FBN2: variants seen among roughly 807,000 people sequenced by gnomAD.
FBN2 encodes fibrillin-2.
A neutral mutation model predicts 355.6 loss-of-function variants in FBN2; 105 were observed. The observed-to-expected ratio is 0.30, with a 90% confidence interval of 0.25 to 0.35. FBN2 has a LOEUF of 0.35. Ranked by LOEUF, FBN2 falls within the 10% of genes least tolerant of loss-of-function variation. FBN2 has a pLI of 1.00. For synonymous variants in FBN2, 1,350 were observed against 1,301.2 expected (o/e 1.04, Z -0.81); for missense variants, 3,280 against 3,758.7 (o/e 0.87, Z 3.33).
At chr5:128,311,823 G>T in intron 38 of FBN2, 62 bp downstream of exon 38, 1 of 1,289,502 alleles carries the variant, frequency 7.8e-7, no homozygotes, top group Non-Finnish European at 1.1e-6. Context: ...TTTTCTGCCA[G>T]CTTTTCTCTA....
intron 48 of FBN2, among the ~76,000 whole-genome samples, chr5:128,294,098 T>C (rs1258357865): frequency 6.6e-6 from 1 of 152,122 alleles, no homozygotes; most frequent in East Asian, 1.9e-4. Context: ...TTTGGTTTTT[T>C]GTTCTTGCGA....
intron 5 of FBN2, among the ~76,000 whole-genome samples, chr5:128,465,850 A>C (rs1397441956): frequency 6.6e-6 from 1 of 152,222 alleles, no homozygotes; most frequent in African/African-American, 2.4e-5. Context: ...CAGCAACAGC[A>C]TCACTTTGGG....
chr5:128,456,000 A>ACAAAAAAAAAAAAAAC lies in FBN2; in HGVS notation c.826+8723_826+8724insGTTTTTTTTTTTTTTG, dbSNP rs1293807502. On this transcript the variant is annotated intron_variant, in intron 6 of 64. Transcript: ENST00000262464. Reference sequence around the variant, plus strand: ...GGGGAGGGTTAGCAACAAAAAAAAAAAAAAAAAAAAAAAAAAAAAAAAAGC... The same window carrying ACAAAAAAAAAAAAAAC: ...GGGGAGGGTTAGCAACAAAAAAAAAACAAAAAAAAAAAAAACAAAAAAAAAAAAAAAAAAAAAAAGC... Among the ~76,000 whole-genome samples the ACAAAAAAAAAAAAAAC allele has an allele frequency of 3.7e-5, 5 of 136,106 alleles. No homozygotes were observed. In the South Asian group the frequency reaches 1.2e-3, roughly 33 times the overall value. 89.3% of individuals were successfully genotyped at this position (136,106 alleles called of 152,430 possible).
intron 5 of FBN2, among the ~76,000 whole-genome samples, chr5:128,489,723 TTA>T (rs1352879134): frequency 6.6e-6 from 1 of 152,220 alleles, no homozygotes; most frequent in Non-Finnish European, 1.5e-5. Flanking sequence ...GGTGTAATTA[TTA>T]TACTCAATTG....
chr5:128,267,543 G>A (rs1332768837), intron 62 of FBN2, among the ~76,000 whole-genome samples: 2 of 151,962 alleles, frequency 1.3e-5, no homozygotes, highest in African/African-American at 2.4e-5. Flanking sequence ...ATCTCATGGT[G>A]GTTTTGATTT....
intron 5 of FBN2, among the ~76,000 whole-genome samples, chr5:128,483,610 G>C (rs1315927411): frequency 6.6e-6 from 1 of 151,516 alleles, no homozygotes; most frequent in African/African-American, 2.4e-5. Context: ...TTCAAGTTCT[G>C]AATTTTCACT....
intron 6 of FBN2, among the ~76,000 whole-genome samples, chr5:128,461,830 AAC>A (rs1561468579): frequency 6.8e-6 from 1 of 146,702 alleles, no homozygotes; most frequent in Non-Finnish European, 1.5e-5. Flanking sequence ...ATAGGGGAAT[AAC>A]ACACACCAGG....
rs568754241 is a variant in FBN2, at chr5:128,395,479, A to G, written c.1079-205T>C. 2.8e-4 allele frequency among the ~76,000 whole-genome samples: 43 copies of G among 152,360 alleles called. 1 individual carries two copies. The South Asian group carries it at 8.9e-3, about 32-fold the overall frequency. ...AGACGTGGAGCAGATAGGAGGACAGACTGCAGTAAGAAGCTAAAGTCAGGC... is the reference window on the plus strand; with the variant it reads ...AGACGTGGAGCAGATAGGAGGACAGGCTGCAGTAAGAAGCTAAAGTCAGGC... On this transcript the variant is annotated intron_variant, in intron 8 of 64. Coordinates refer to ENST00000262464, the MANE Select transcript of FBN2 (RefSeq NM_001999.4).
At chr5:128,378,008 GTTTTTTT>G in intron 12 of FBN2, 131 bp from the exon 13 acceptor site, 8 of 509,524 alleles carry the variant, frequency 1.6e-5, no homozygotes, top group East Asian at 3.7e-5. Flanking sequence ...TCTCTCAGCA[GTTTTTTT>G]TTTTTTTTTT....
At chr5:128,461,853 G>A (rs1217070534) in intron 6 of FBN2, among the ~76,000 whole-genome samples, 2 of 151,378 alleles carry the variant, frequency 1.3e-5, no homozygotes, top group Admixed American at 1.3e-4. Context: ...GCCTGTTGGG[G>A]GGTCGGGGGA....
In FBN2 at chr5:128,395,006, G is replaced by C. The variant is rs1188131993; in HGVS notation, c.1231+116C>G. ...TCGCCATGTTGCCCAGGCTGGTTTT[G>C]AACTTCTGGACTCAAGCAATCCACC... On this transcript the variant is annotated intron_variant, in intron 9 of 64. Transcript: ENST00000262464. The C allele has an allele frequency of 5.8e-6, 7 of 1,197,580 alleles. No individual in the cohort carries two copies. In the African/African-American group the frequency reaches 1.0e-4, roughly 18 times the overall value. 74.2% of individuals were successfully genotyped at this position (1,197,580 alleles called of 1,614,324 possible).
chr5:128,281,530 T>C (rs1765544685), intron 55 of FBN2, among the ~76,000 whole-genome samples: 1 of 152,232 alleles, frequency 6.6e-6, no homozygotes, highest in African/African-American at 2.4e-5. Flanking sequence ...GTTGATGTTA[T>C]CTAGAAGTTT....
intron 15 of FBN2, among the ~76,000 whole-genome samples, chr5:128,373,631 A>G (rs1364709866): frequency 6.6e-6 from 1 of 152,178 alleles, no homozygotes; most frequent in Non-Finnish European, 1.5e-5. Flanking sequence ...ACAATGGCTA[A>G]TTCACCCTAG....
At position 128,537,819 on chromosome 5, in the gene FBN2, A is replaced by T. The variant is rs1756902119; in HGVS notation, c.-216T>A. ...AGACGCGGGGCGCCGGGTCTAGCGC[A>T]GTGAGCGGCGAGGCGCGGCGGAGGT... On this transcript the variant is annotated 5_prime_UTR_variant, in exon 1 of 65. Transcript: ENST00000262464. 5.1e-6 allele frequency: 3 copies of T among 593,840 alleles called. No homozygotes were observed. Among genetic ancestry groups the T allele is most frequent in the Admixed American group, 3.0e-5 (1 of 33,646 alleles). The allele number at this position is 593,840 out of a possible 1,614,324, so 36.8% of individuals were successfully genotyped here. A position where few individuals can be genotyped will look rare whatever the true frequency, so the allele number is the denominator to read the frequency against.
At chr5:128,274,045 A>G in intron 60 of FBN2, 77 bp from the exon 61 acceptor site, 2 of 1,541,376 alleles carry the variant, frequency 1.3e-6, no homozygotes, top group Non-Finnish European at 1.8e-6. Context: ...AGTAAAAAGC[A>G]ATGTATGAAA....
chr5:128,281,834 C>T (rs1398659241), intron 55 of FBN2, among the ~76,000 whole-genome samples: 4 of 152,116 alleles, frequency 2.6e-5, no homozygotes, highest in Admixed American at 6.5e-5. Context: ...TACAGGCGCC[C>T]GCCACCACGC....
In FBN2 at chr5:128,280,335, A is replaced by G. The variant is rs375140877; in HGVS notation, c.7013-18T>C. On this transcript the variant is annotated intron_variant, in intron 55 of 64. Coordinates refer to ENST00000262464, the MANE Select transcript of FBN2 (RefSeq NM_001999.4). ...ATTTTCATCTTTAGAAAAACAAACAATATGAATAATGAGAAAACTGTCAAA... is the reference window on the plus strand; with the variant it reads ...ATTTTCATCTTTAGAAAAACAAACAGTATGAATAATGAGAAAACTGTCAAA... The G allele has an allele frequency of 1.4e-5, 22 of 1,592,520 alleles. No homozygotes were observed. Among genetic ancestry groups the G allele is most frequent in the Non-Finnish European group, 1.8e-5 (21 of 1,161,626 alleles).
chr5:128,501,837 GAAGTA>G (rs960396134), intron 5 of FBN2, among the ~76,000 whole-genome samples: 5 of 151,942 alleles, frequency 3.3e-5, no homozygotes, highest in Admixed American at 2.6e-4. Flanking sequence ...AAGATCAAAA[GAAGTA>G]AAGAGTGGAT....
At chr5:128,329,509 A>G (rs547972826) in intron 33 of FBN2, among the ~76,000 whole-genome samples, 1 of 152,270 alleles carries the variant, frequency 6.6e-6, no homozygotes, top group South Asian at 2.1e-4. Context: ...AAGAGGAAGA[A>G]CCTGTGGCTA....
Sources: allele counts gnomAD v4.1 joint callset (sites outside exome capture counted in the v4.1 genomes callset), GRCh38; gene constraint gnomAD v4.1.1; transcripts MANE v1.5; gene names NCBI Gene and HGNC (gene_info 2026-07-23, HGNC 2026-07-21).